CMSS1: variants seen among roughly 807,000 people sequenced by gnomAD.
CMSS1 encodes protein CMSS1.
In CMSS1, 33 loss-of-function variants were observed where a neutral mutation model predicts 43.5. The ratio of observed to expected loss-of-function variants is 0.76; its 90% CI spans 0.57 to 1.01. The LOEUF (loss-of-function observed/expected upper bound fraction) is 1.01. Ranked by LOEUF, CMSS1 falls within the 50% of genes least tolerant of loss-of-function variation. The probability of loss-of-function intolerance (pLI) is 0.00; values close to 1 mark genes in which losing one functional copy is unlikely to be tolerated. For missense variants in CMSS1, 313 were observed against 326.4 expected, an observed-to-expected ratio of 0.96 and a Z score of 0.32; for synonymous variants, 115 against 117.2, an observed-to-expected ratio of 0.98 and a Z score of 0.12.
chr3:100,105,985 G>A (rs2066388503), intron 1 of CMSS1, among the ~76,000 whole-genome samples: 4 of 152,144 alleles, frequency 2.6e-5, no homozygotes, highest in Admixed American at 2.6e-4. Flanking sequence ...ATCAGATGGT[G>A]TGGACAGAAA....
chr3:99,938,447 GACACTCATGGCCAAGGA>G (rs1707757938), intron 1 of CMSS1, among the ~76,000 whole-genome samples: 1 of 152,168 alleles, frequency 6.6e-6, no homozygotes, highest in African/African-American at 2.4e-5. Context: ...CTAACTGTAC[GACACTCATGGCCAAGGA>G]ACAAAGCTGG....
intron 1 of CMSS1, among the ~76,000 whole-genome samples, chr3:99,939,969 T>C (rs1241316074): frequency 6.6e-6 from 1 of 152,224 alleles, no homozygotes; most frequent in Non-Finnish European, 1.5e-5. Flanking sequence ...GTTTTCTACG[T>C]GCTGCAGTCA....
intron 1 of CMSS1, among the ~76,000 whole-genome samples, chr3:99,821,298 A>T (rs554108442): frequency 6.6e-6 from 1 of 152,366 alleles, no homozygotes; most frequent in South Asian, 2.1e-4. Context: ...GTATGTAGGC[A>T]GACATATAAT....
chr3:100,032,514 C>G (rs2065037581), intron 1 of CMSS1, among the ~76,000 whole-genome samples: 1 of 152,154 alleles, frequency 6.6e-6, no homozygotes, highest in South Asian at 2.1e-4. Flanking sequence ...AGAGAGGAGA[C>G]AGCTAGCCGA....
Position 99,900,082 on chromosome 3 carries a change from A to G in CMSS1, c.64+82039A>G, listed in dbSNP as rs565727933. 2.6e-5 allele frequency among the ~76,000 whole-genome samples: 4 copies of G among 152,372 alleles called. No individual in the cohort carries two copies. The South Asian group carries it at 8.3e-4, about 32-fold the overall frequency. On this transcript the variant is annotated intron_variant, in intron 1 of 9. Coordinates refer to ENST00000421999, the MANE Select transcript of CMSS1 (RefSeq NM_032359.4). ...GATTTGAAAAGTTAGTATGTAATAC[A>G]TATCTAGAACAGTGTTTCACACATA...
chr3:99,929,551 T>A (rs1165796215), intron 1 of CMSS1, among the ~76,000 whole-genome samples: 3 of 151,444 alleles, frequency 2.0e-5, no homozygotes, highest in African/African-American at 7.3e-5. Context: ...TAAGCACATG[T>A]ATGTGTGTGC....
At chr3:100,175,259 T>G (rs1450970353) in intron 8 of CMSS1, among the ~76,000 whole-genome samples, 1 of 152,202 alleles carries the variant, frequency 6.6e-6, no homozygotes, top group Non-Finnish European at 1.5e-5. Context: ...AGAAGGAAAT[T>G]TATTTTATCA....
intron 1 of CMSS1, among the ~76,000 whole-genome samples, chr3:100,145,842 C>T (rs907347748): frequency 1.3e-5 from 2 of 152,238 alleles, no homozygotes; most frequent in East Asian, 3.8e-4. Flanking sequence ...TCTATTCAGT[C>T]TATCCATTTA....
At chr3:99,822,566 A>G (rs1206487643) in intron 1 of CMSS1, among the ~76,000 whole-genome samples, 1 of 152,180 alleles carries the variant, frequency 6.6e-6, no homozygotes, top group East Asian at 1.9e-4. Flanking sequence ...CCCTGTCTCT[A>G]CTAAAACTAC....
chr3:99,977,845 A>AAT (rs1709015550), intron 1 of CMSS1, among the ~76,000 whole-genome samples: 1 of 152,200 alleles, frequency 6.6e-6, no homozygotes, highest in Non-Finnish European at 1.5e-5. Flanking sequence ...GGATCCAATA[A>AAT]GAGAAATCTG....
At chr3:100,047,488 T>C (rs1004787438) in intron 1 of CMSS1, among the ~76,000 whole-genome samples, 4 of 152,212 alleles carry the variant, frequency 2.6e-5, no homozygotes, top group African/African-American at 9.7e-5. Context: ...ATACCATTAT[T>C]ATTCATAACC....
chr3:99,943,771 C>G (rs1707922948), intron 1 of CMSS1, among the ~76,000 whole-genome samples: 1 of 152,126 alleles, frequency 6.6e-6, no homozygotes, highest in Non-Finnish European at 1.5e-5. Context: ...CAAATATAAG[C>G]AAAGCAGTAA....
At position 100,095,469 on chromosome 3, in the gene CMSS1, A is replaced by G. The variant is rs184221263; in HGVS notation, c.65-51504A>G. Reference sequence around the variant, plus strand: ...AATAATACATATTTAAAAACAATATACTACAGTGAACTTAATTTTGACAGT... The same window carrying G: ...AATAATACATATTTAAAAACAATATGCTACAGTGAACTTAATTTTGACAGT... On this transcript the variant is annotated intron_variant, in intron 1 of 9. Coordinates refer to ENST00000421999, the MANE Select transcript of CMSS1 (RefSeq NM_032359.4). Among the ~76,000 whole-genome samples, 164 of 152,330 alleles carry G rather than the reference A, an allele frequency of 1.1e-3. 1 individual carries two copies. Among genetic ancestry groups the G allele is most frequent in the Admixed American group, 8.0e-3 (122 of 15,292 alleles).
chr3:99,900,703 G>T (rs564734126), intron 1 of CMSS1, among the ~76,000 whole-genome samples: 2 of 152,120 alleles, frequency 1.3e-5, no homozygotes, highest in African/African-American at 4.8e-5. Flanking sequence ...TCTTTTCCAC[G>T]CAAGTCTTAA....
chr3:99,838,397 G>A (rs1341724492), intron 1 of CMSS1, among the ~76,000 whole-genome samples: 1 of 152,174 alleles, frequency 6.6e-6, no homozygotes, highest in African/African-American at 2.4e-5. Flanking sequence ...CAGAAGAGGC[G>A]AGCATTGATA....
chr3:99,975,924 G>T (rs1310749848), intron 1 of CMSS1, among the ~76,000 whole-genome samples: 11 of 152,144 alleles, frequency 7.2e-5, no homozygotes, highest in Admixed American at 7.2e-4. Context: ...ACGCTCTGTT[G>T]TCCAGGCTGG....
chr3:99,990,364 A>T (rs905662921), intron 1 of CMSS1, among the ~76,000 whole-genome samples: 18 of 152,278 alleles, frequency 1.2e-4, no homozygotes, highest in African/African-American at 4.3e-4. Flanking sequence ...GATCCGTTCA[A>T]TCTCTCTATT....
chr3:100,084,763 T>G (rs1308729738), intron 1 of CMSS1, among the ~76,000 whole-genome samples: 1 of 152,218 alleles, frequency 6.6e-6, no homozygotes, highest in Non-Finnish European at 1.5e-5. Flanking sequence ...TATTTATAAA[T>G]CAAATCATAG....
chr3:100,091,328 G>A (rs887346158), intron 1 of CMSS1, among the ~76,000 whole-genome samples: 1 of 151,886 alleles, frequency 6.6e-6, no homozygotes, highest in African/African-American at 2.4e-5. Flanking sequence ...GCCTTTAAGG[G>A]GTGTGCATGT....
Sources: gnomAD v4.1 joint callset for allele counts (sites outside exome capture counted in the v4.1 genomes callset) on GRCh38, gnomAD v4.1.1 for gene constraint, MANE v1.5 for transcripts, NCBI Gene and HGNC (gene_info 2026-07-23, HGNC 2026-07-21) for gene names.